NHP2: variants seen among roughly 807,000 people sequenced by gnomAD.
NHP2 encodes the protein H/ACA ribonucleoprotein complex subunit 2.
A neutral mutation model predicts 16.7 loss-of-function variants in NHP2; 10 were observed. That is an observed-to-expected ratio of 0.60 (90% CI 0.37 to 1.01). The LOEUF is 1.01. NHP2 is among the 50% of genes least tolerant of loss of function. NHP2 has a pLI of 0.01. For synonymous variants in NHP2, 87 were observed against 78.9 expected (o/e 1.10, Z -0.54); for missense variants, 184 against 198.3 (o/e 0.93, Z 0.43).
chr5:178,151,104 C>T (rs756897076), intron 2 of NHP2, 111 bp from the exon 3 acceptor site: 7 of 896,220 alleles, frequency 7.8e-6, no homozygotes, highest in Non-Finnish European at 1.3e-5. Context: ...GTTTGGTGAG[C>T]ACACTATTTG....
chr5:178,153,352 A>G, intron 2 of NHP2, 139 bp downstream of exon 2: 2 of 820,198 alleles, frequency 2.4e-6, no homozygotes, highest in Non-Finnish European at 2.1e-6. Context: ...TATTGTACCA[A>G]AGGGACTTTA....
chr5:178,152,206 TAA>T (rs1342894561), intron 2 of NHP2, among the ~76,000 whole-genome samples: 1 of 152,078 alleles, frequency 6.6e-6, no homozygotes, highest in East Asian at 1.9e-4. Context: ...TAAAAAATAA[TAA>T]AAATTATGTC....
At chr5:178,152,468 A>G (rs1402160605) in intron 2 of NHP2, among the ~76,000 whole-genome samples, 5 of 151,464 alleles carry the variant, frequency 3.3e-5, no homozygotes, top group Admixed American at 2.0e-4. Flanking sequence ...GCTAGGTTAG[A>G]TGCCGTTGAG....
chr5:178,150,248 T>C (rs767455285), intron 3 of NHP2: 5 of 218,406 alleles, frequency 2.3e-5, no homozygotes, highest in Admixed American at 5.2e-5. Context: ...ATCTATCTCT[T>C]TATTCTCATA....
At position 178,149,586 on chromosome 5, in the gene NHP2, G is replaced by C; in HGVS notation, c.*127C>G. 8.1e-7 allele frequency: 1 copy of C among 1,239,384 alleles called. No homozygotes were observed. Among genetic ancestry groups the C allele is most frequent in the East Asian group, 2.4e-5 (1 of 40,892 alleles). The allele number at this position is 1,239,384 out of a possible 1,614,324, so 76.8% of individuals were successfully genotyped here. A position where few individuals can be genotyped will look rare whatever the true frequency, so the allele number is the denominator to read the frequency against. On this transcript the variant is annotated 3_prime_UTR_variant, in exon 4 of 4. Coordinates refer to ENST00000274606, the MANE Select transcript of NHP2 (RefSeq NM_017838.4). ...CATGAAAGGGCTGTTAGAGCTGCCT[G>C]GGAAGAAGGCGTGCCTTGGGGAACT...
chr5:178,149,784 G>T lies in NHP2; in HGVS notation c.391C>A (p.Pro131Thr), dbSNP rs762870297. 5.6e-6 allele frequency: 9 copies of T among 1,614,036 alleles called. No individual in the cohort carries two copies. Among genetic ancestry groups the T allele is most frequent in the Non-Finnish European group, 1.7e-6 (2 of 1,179,948 alleles). ...KRPTCVIMVK[P>T]HEEYQEAYDE... The stretch of plus-strand genomic sequence containing the variant: ...TAAGCCTCCTGGTACTCCTCATGGG[G>T]CTTGACCATTATCACACAGGTGGGG... Residue 131 changes from proline (P) to threonine (T), a missense_variant, in exon 4 of 4, where the codon CCC (proline) becomes ACC (threonine). By Grantham distance (38) the Pro-to-Thr change is conservative. Coordinates refer to ENST00000274606, the MANE Select transcript of NHP2 (RefSeq NM_017838.4).
chr5:178,152,860 G>A (rs542963613), intron 2 of NHP2, among the ~76,000 whole-genome samples: 1 of 152,326 alleles, frequency 6.6e-6, no homozygotes, highest in South Asian at 2.1e-4. Flanking sequence ...GCTGAGGCAG[G>A]AGGATTCCTT....
rs746146150 is a variant in NHP2, at chr5:178,153,660, T to C, written c.158A>G (p.Lys53Arg). The C allele has an allele frequency of 3.7e-6, 6 of 1,613,728 alleles. No homozygotes were observed. The South Asian group carries it at 6.6e-5, about 18-fold the overall frequency. The change falls in exon 1 of 4, where the codon AAA becomes AGA. Residue 53 changes from lysine to arginine, a missense_variant and splice_region_variant. Lys to Arg is a conservative substitution (Grantham distance 26). Coordinates refer to ENST00000274606, the MANE Select transcript of NHP2 (RefSeq NM_017838.4). Reference protein sequence around the residue: ...LTRKLYKCIKKAVKQKQIRRG... With the variant: ...LTRKLYKCIKRAVKQKQIRRG... ...GGCCACGCCGCCGTCCGCCTCACCT[T>C]TCTTGATGCATTTGTAGAGCTTCCG...
rs1756333513 is a variant in NHP2, at chr5:178,153,708, G to A, written c.110C>T (p.Pro37Leu). 3.1e-6 allele frequency: 5 copies of A among 1,614,052 alleles called. No individual in the cohort carries two copies. The highest frequency in any genetic ancestry group is 3.4e-6 in the Non-Finnish European group (4 of 1,179,972). The change falls in exon 1 of 4, where the codon CCC (proline) becomes CTC (leucine). Residue 37 changes from proline to leucine, a missense_variant. By Grantham distance (98) the Pro-to-Leu change is moderately conservative. Transcript: ENST00000274606. ...LLVNQNPIAQPLASRRLTRKL... is the reference protein window; with the variant it reads ...LLVNQNPIAQLLASRRLTRKL... ...CCGCGTGAGGCGGCGAGAAGCCAGG[G>A]GCTGCGCGATGGGGTTCTGGTTGAC...
At chr5:178,153,140 T>C (rs1756317548) in intron 2 of NHP2, 1 of 383,088 alleles carries the variant, frequency 2.6e-6, no homozygotes, top group South Asian at 2.4e-5. Flanking sequence ...CGGAGAGGGG[T>C]CATCCCTAGG....
rs1756318814 is a variant in NHP2, at chr5:178,153,210, C to T, written c.230+281G>A. On this transcript the variant is annotated intron_variant, in intron 2 of 3. Transcript: ENST00000274606. Reference sequence around the variant, plus strand: ...GCCGGAGGTAATCTGAGGCAAGGAGCGGAGCCCGGGGAGGAGGGTCCCTGA... The same window carrying T: ...GCCGGAGGTAATCTGAGGCAAGGAGTGGAGCCCGGGGAGGAGGGTCCCTGA... 7 of 508,374 alleles carry T rather than the reference C, an allele frequency of 1.4e-5. No individual in the cohort carries two copies. The East Asian group carries it at 2.2e-4, about 16-fold the overall frequency. The allele number at this position is 508,374 out of a possible 1,614,324, so 31.5% of individuals were successfully genotyped here.
intron 2 of NHP2, 125 bp from the exon 3 acceptor site, chr5:178,151,118 G>A: frequency 7.4e-6 from 6 of 811,942 alleles, no homozygotes; most frequent in South Asian, 1.4e-5. Flanking sequence ...CTATTTGGGG[G>A]TGATCTCTAC....
At position 178,150,197 on chromosome 5, in the gene NHP2, CAT is replaced by C. The variant is rs573489090; in HGVS notation, c.337-361_337-360del. On this transcript the variant is annotated intron_variant, in intron 3 of 3. Coordinates refer to ENST00000274606, the MANE Select transcript of NHP2 (RefSeq NM_017838.4). ...GCCTAAACCCACCTAACCGGACTAA[CAT>C]GGGTGAAGCATCTTAGCTTACAAAG... is the stretch of plus-strand genomic sequence containing the variant. 7.8e-4 allele frequency: 182 copies of C among 233,030 alleles called. 1 individual carries two copies. Among genetic ancestry groups the C allele is most frequent in the African/African-American group, 3.8e-3 (165 of 43,564 alleles). 14.4% of individuals were successfully genotyped at this position (233,030 alleles called of 1,614,324 possible). A position where few individuals can be genotyped will look rare whatever the true frequency, so the allele number is the denominator to read the frequency against.
At chr5:178,153,343 A>G in intron 2 of NHP2, 148 bp downstream of exon 2, 1 of 777,526 alleles carries the variant, frequency 1.3e-6, no homozygotes, top group East Asian at 2.6e-5. Flanking sequence ...TCGTACCGGT[A>G]TTGTACCAAA....
chr5:178,151,596 TGAAAGAATGCTTCC>T (rs1756279727), intron 2 of NHP2, among the ~76,000 whole-genome samples: 1 of 152,196 alleles, frequency 6.6e-6, no homozygotes, highest in South Asian at 2.1e-4. Context: ...AGCCCTCGGC[TGAAAGAATGCTTCC>T]GCACTCCTAG....
intron 2 of NHP2, 81 bp from the exon 3 acceptor site, chr5:178,151,074 A>C: frequency 8.4e-7 from 1 of 1,195,048 alleles, no homozygotes; most frequent in Non-Finnish European, 1.2e-6. Flanking sequence ...GCTGGGTCTT[A>C]GGGATAGAGA....
At chr5:178,152,695 A>G (rs979052454) in intron 2 of NHP2, among the ~76,000 whole-genome samples, 8 of 147,090 alleles carry the variant, frequency 5.4e-5, no homozygotes, top group Non-Finnish European at 7.5e-5. Flanking sequence ...CTTCATGGCT[A>G]TCTATCACAA....
At chr5:178,150,707 G>A (rs1357249531) in intron 3 of NHP2, 181 bp downstream of exon 3, 2 of 745,268 alleles carry the variant, frequency 2.7e-6, no homozygotes, top group East Asian at 5.0e-5. Context: ...TACAAGATGG[G>A]AACTGAAATG....
chr5:178,151,080 A>G lies in NHP2; in HGVS notation c.231-87T>C, dbSNP rs1169161153. ...CTGCCCTGGGCTGGGTCTTAGGGAT[A>G]GAGACAAAATTGTGTTTGGTGAGCA... On this transcript the variant is annotated intron_variant, in intron 2 of 3. Transcript: ENST00000274606. 3.5e-6 allele frequency: 4 copies of G among 1,147,398 alleles called. No individual in the cohort carries two copies. In the East Asian group the frequency reaches 9.3e-5, roughly 27 times the overall value. The allele number at this position is 1,147,398 out of a possible 1,614,324, so 71.1% of individuals were successfully genotyped here. A position where few individuals can be genotyped will look rare whatever the true frequency, so the allele number is the denominator to read the frequency against.
Sources: allele counts gnomAD v4.1 joint callset (sites outside exome capture counted in the v4.1 genomes callset), GRCh38; gene constraint gnomAD v4.1.1; transcripts MANE v1.5; gene names NCBI Gene and HGNC (gene_info 2026-07-23, HGNC 2026-07-21).